The following LINGO1 variants were observed in gnomAD, a reference collection of about 807,000 sequenced individuals.
The protein encoded by LINGO1 is leucine rich repeat and Ig domain containing 1.
LINGO1 carries 11 observed loss-of-function variants against 37.3 expected under a neutral mutation model. The observed-to-expected ratio is 0.29, with a 90% confidence interval of 0.19 to 0.49. LINGO1 has a LOEUF of 0.49. Among genes scored for constraint, LINGO1 ranks in the 20% least tolerant of loss-of-function variants. The pLI, the probability that LINGO1 is intolerant of heterozygous loss-of-function variation, is 0.99. For synonymous variants in LINGO1, 387 were observed against 403.0 expected (o/e 0.96, Z 0.48); for missense variants, 585 against 878.2 (o/e 0.67, Z 4.22).
At chr15:77,703,358 T>C (rs998973851) in intron 2 of LINGO1, among the ~76,000 whole-genome samples, 2 of 152,182 alleles carry the variant, frequency 1.3e-5, no homozygotes, top group African/African-American at 4.8e-5. Context: ...TTGTTTCGTG[T>C]CCTCGTGGGT....
chr15:77,654,606 G>C (rs967447585), intron 3 of LINGO1, among the ~76,000 whole-genome samples: 1 of 152,076 alleles, frequency 6.6e-6, no homozygotes, highest in Non-Finnish European at 1.5e-5. Context: ...GGAGATGCTA[G>C]ATAGGGGCCT....
At chr15:77,755,094 T>C (rs1486202908) in intron 1 of LINGO1, among the ~76,000 whole-genome samples, 1 of 152,154 alleles carries the variant, frequency 6.6e-6, no homozygotes, top group Non-Finnish European at 1.5e-5. Context: ...GCCAAGGCCC[T>C]CCTACTAGGA....
chr15:77,809,836 A>G (rs1025996783), intron 1 of LINGO1, among the ~76,000 whole-genome samples: 1 of 152,114 alleles, frequency 6.6e-6, no homozygotes, highest in Non-Finnish European at 1.5e-5. Flanking sequence ...CCTGTCTCAC[A>G]GCTCCCATTG....
intron 1 of LINGO1, among the ~76,000 whole-genome samples, chr15:77,775,592 C>T (rs1300024048): frequency 6.6e-6 from 1 of 152,164 alleles, no homozygotes; most frequent in Non-Finnish European, 1.5e-5. Flanking sequence ...ACACCCAGCT[C>T]TTGACAGGGT....
intron 2 of LINGO1, among the ~76,000 whole-genome samples, chr15:77,701,935 G>C (rs1443790826): frequency 6.6e-6 from 1 of 152,168 alleles, no homozygotes; most frequent in African/African-American, 2.4e-5. Context: ...CTTGCATGGG[G>C]CCAGGAGTTT....
At chr15:77,764,460 A>G (rs1243546347) in intron 1 of LINGO1, among the ~76,000 whole-genome samples, 1 of 152,244 alleles carries the variant, frequency 6.6e-6, no homozygotes, top group Non-Finnish European at 1.5e-5. Flanking sequence ...AACTGTTTCC[A>G]GGCTATATAA....
intron 3 of LINGO1, among the ~76,000 whole-genome samples, chr15:77,653,636 T>C (rs1183067665): frequency 6.6e-6 from 1 of 152,102 alleles, no homozygotes; most frequent in Non-Finnish European, 1.5e-5. Flanking sequence ...AGTGAGGGTG[T>C]CCGTCCGCTC....
chr15:77,716,128 T>C (rs1044606018), intron 2 of LINGO1, among the ~76,000 whole-genome samples: 1 of 152,178 alleles, frequency 6.6e-6, no homozygotes, highest in African/African-American at 2.4e-5. Flanking sequence ...GGAAGTTCTA[T>C]AAACTTCAGT....
At chr15:77,620,057 T>C (rs1408986203) in intron 1 of LINGO1, among the ~76,000 whole-genome samples, 1 of 152,020 alleles carries the variant, frequency 6.6e-6, no homozygotes, top group African/African-American at 2.4e-5. Context: ...GCTGGCAGAG[T>C]CACGTCTGCG....
chr15:77,660,739 G>A (rs1297911146), intron 3 of LINGO1, among the ~76,000 whole-genome samples: 1 of 152,228 alleles, frequency 6.6e-6, no homozygotes, highest in Non-Finnish European at 1.5e-5. Flanking sequence ...GGCAGAGAGT[G>A]GAGGGTGAGT....
chr15:77,815,148 A>AC (rs1197830428), intron 1 of LINGO1, among the ~76,000 whole-genome samples: 2 of 152,132 alleles, frequency 1.3e-5, no homozygotes, highest in African/African-American at 4.8e-5. Context: ...GATCCAGAAG[A>AC]CCATGGTGGC....
intron 1 of LINGO1, among the ~76,000 whole-genome samples, chr15:77,756,208 A>C (rs917705818): frequency 1.3e-5 from 2 of 152,146 alleles, no homozygotes; most frequent in African/African-American, 4.8e-5. Context: ...TGATCTCTGC[A>C]TCCCTCCTCC....
chr15:77,761,543 G>T (rs1468722488), intron 1 of LINGO1, among the ~76,000 whole-genome samples: 1 of 152,286 alleles, frequency 6.6e-6, no homozygotes, highest in African/African-American at 2.4e-5. Flanking sequence ...TTTTTTCTCC[G>T]TGACTGTGCT....
intron 2 of LINGO1, among the ~76,000 whole-genome samples, chr15:77,714,909 C>T (rs1419539753): frequency 6.6e-6 from 1 of 152,252 alleles, no homozygotes; most frequent in Non-Finnish European, 1.5e-5. Flanking sequence ...TAAAAGTTTG[C>T]TGCTTTATGG....
upstream of LINGO1, among the ~76,000 whole-genome samples, chr15:77,638,813 C>T (rs1352709336): frequency 6.6e-6 from 1 of 152,148 alleles, no homozygotes; most frequent in African/African-American, 2.4e-5. Flanking sequence ...AGAGGACTCC[C>T]AGTGGTCCCT....
rs149427883 is a variant in LINGO1 at position 77,768,434 on chromosome 15, T to A, written c.-257+18435A>T. Among the ~76,000 whole-genome samples, 141 of 152,214 alleles carry A rather than the reference T, an allele frequency of 9.3e-4. 1 individual carries two copies. The East Asian group carries it at 0.021, about 23-fold the overall frequency. ...GCGTCCCAGGCACTGGGGACAAGAC[T>A]ACAAAAAAGGCAGCCAGCCACAGCC... On this transcript the variant is annotated intron_variant, in intron 1 of 3. Coordinates refer to the LINGO1 transcript ENST00000561686.
chr15:77,713,128 C>T (rs2075939174), intron 2 of LINGO1, among the ~76,000 whole-genome samples: 1 of 151,884 alleles, frequency 6.6e-6, no homozygotes, highest in South Asian at 2.1e-4. Context: ...TTACAACCTC[C>T]ACCTCCCAGG....
chr15:77,641,760 A>C, intron 3 of LINGO1: 1 of 429,938 alleles, frequency 2.3e-6, no homozygotes, highest in Non-Finnish European at 4.7e-6. Context: ...AGACACAGAG[A>C]GCCAGAAACG....
At position 77,615,834 on chromosome 15, in the gene LINGO1, G is replaced by A; in HGVS notation, c.73C>T (p.Pro25Ser). ...MPSPLLACWQ[P>S]ILLLVLGSVL... ...GAGCCCAGCACCAGCAGGAGGATGG[G>A]CTGCCAGCAGGCCAGGAGGGGGCTG... is the stretch of plus-strand genomic sequence containing the variant. The change falls in exon 2 of 2, where the codon CCC (proline) becomes TCC (serine). Residue 25 changes from proline to serine, a missense_variant. Around this residue, in one of 4 missense-constraint regions of LINGO1, gnomAD observed 65 missense variants for 57.0 expected, o/e 1.14. Transcript: ENST00000355300. 6.6e-7 allele frequency: 1 copy of A among 1,516,208 alleles called. No homozygotes were observed. Among genetic ancestry groups the A allele is most frequent in the Non-Finnish European group, 8.8e-7 (1 of 1,140,792 alleles). 93.9% of individuals were successfully genotyped at this position (1,516,208 alleles called of 1,614,324 possible).
Sources: allele counts gnomAD v4.1 joint callset (sites outside exome capture counted in the v4.1 genomes callset), GRCh38; gene constraint gnomAD v4.1.1; regional missense constraint gnomAD v4.1.1; transcripts MANE v1.5; gene names NCBI Gene and HGNC (gene_info 2026-07-23, HGNC 2026-07-21).